The following PRKG2 variants were observed in gnomAD, a reference collection of about 807,000 sequenced individuals.
PRKG2 encodes cGMP-dependent protein kinase 2.
In PRKG2, 33 loss-of-function variants were observed where a neutral mutation model predicts 97.2. That is an observed-to-expected ratio of 0.34 (90% CI 0.26 to 0.45). The LOEUF (loss-of-function observed/expected upper bound fraction) is 0.45. PRKG2 is among the 20% of genes least tolerant of loss of function. PRKG2 has a pLI of 1.00. For synonymous variants in PRKG2, 330 were observed against 321.8 expected (o/e 1.03, Z -0.27); for missense variants, 638 against 900.0 (o/e 0.71, Z 3.73).
At chr4:81,120,332 TG>T (rs1361222038) in intron 14 of PRKG2, among the ~76,000 whole-genome samples, 1 of 152,238 alleles carries the variant, frequency 6.6e-6, no homozygotes, top group Non-Finnish European at 1.5e-5. Context: ...GCTGTGATTC[TG>T]GGGCTGCCCA....
intron 1 of PRKG2, 115 bp from the exon 2 acceptor site, chr4:81,205,175 T>C: frequency 1.5e-6 from 1 of 658,668 alleles, no homozygotes; most frequent in Non-Finnish European, 2.4e-6. Context: ...TCTTCATTGT[T>C]TGAAAAGCAA....
chr4:81,135,760 T>C (rs770332088), intron 13 of PRKG2, among the ~76,000 whole-genome samples: 1 of 152,078 alleles, frequency 6.6e-6, no homozygotes, highest in Non-Finnish European at 1.5e-5. Flanking sequence ...CATAAGTCTT[T>C]TCTGTTTGGG....
At chr4:81,210,510 C>T (rs189702489) in intron 1 of PRKG2, among the ~76,000 whole-genome samples, 1 of 152,292 alleles carries the variant, frequency 6.6e-6, no homozygotes, top group Admixed American at 6.5e-5. Flanking sequence ...GATACCACTA[C>T]ACACCTATTA....
chr4:81,192,916 T>C (rs1433614659), intron 2 of PRKG2: 1 of 152,204 alleles, frequency 6.6e-6, no homozygotes, highest in Non-Finnish European at 1.5e-5. Context: ...TAAATTTTCA[T>C]CCTCTAAGTT....
intron 17 of PRKG2, among the ~76,000 whole-genome samples, chr4:81,097,509 A>G (rs1374106100): frequency 6.6e-6 from 1 of 152,182 alleles, no homozygotes; most frequent in African/African-American, 2.4e-5. Context: ...CTGTATTCCT[A>G]ATAAGAGAGT....
intron 12 of PRKG2, among the ~76,000 whole-genome samples, chr4:81,139,781 CAAA>C (rs548249378): frequency 0.018 from 1,374 of 75,346 alleles, 28 homozygotes; most frequent in African/African-American, 0.052. Flanking sequence ...TCTCAAAAGA[CAAA>C]AAAAAAAAAA....
chr4:81,110,357 T>TA (rs1457644525), intron 15 of PRKG2, 91 bp downstream of exon 15: 2 of 1,343,318 alleles, frequency 1.5e-6, no homozygotes, highest in Non-Finnish European at 2.0e-6. Context: ...TTCAAAATGT[T>TA]ACGCTCTTAA....
At chr4:81,213,235 G>A (rs1754099064) in intron 1 of PRKG2, among the ~76,000 whole-genome samples, 1 of 152,166 alleles carries the variant, frequency 6.6e-6, no homozygotes, top group Admixed American at 6.5e-5. Context: ...TAGAAGACTT[G>A]AAGTACCATT....
chr4:81,088,466 T>C lies in PRKG2; in HGVS notation c.*1242A>G, dbSNP rs1397600899. 1 of 152,168 alleles carries C rather than the reference T, an allele frequency of 6.6e-6. No individual in the cohort carries two copies. The highest frequency in any genetic ancestry group is 1.5e-5 in the Non-Finnish European group (1 of 68,018). The allele number at this position is 152,168 out of a possible 1,614,324, so 9.4% of individuals were successfully genotyped here. A position where few individuals can be genotyped will look rare whatever the true frequency, so the allele number is the denominator to read the frequency against. ...TGGAAGGAGGGTAAGGGAATGATCA[T>C]GGTCAATACATACAACCATTCACCA... is the stretch of plus-strand genomic sequence containing the variant. On this transcript the variant is annotated 3_prime_UTR_variant, in exon 19 of 19. Transcript: ENST00000264399.
chr4:81,089,639 A>G lies in PRKG2; in HGVS notation c.*69T>C. On this transcript the variant is annotated 3_prime_UTR_variant, in exon 19 of 19. Transcript: ENST00000264399. ...TATTATAATACTCTGAAAAGAAAAT[A>G]ATGTGTTGGATTATTGATCCTTGAG... The G allele has an allele frequency of 8.6e-7, 1 of 1,156,826 alleles. No homozygotes were observed. The highest frequency in any genetic ancestry group is 1.3e-6 in the Non-Finnish European group (1 of 792,032). The allele number at this position is 1,156,826 out of a possible 1,614,324, so 71.7% of individuals were successfully genotyped here. A position where few individuals can be genotyped will look rare whatever the true frequency, so the allele number is the denominator to read the frequency against.
chr4:81,191,191 C>T (rs964511679), intron 2 of PRKG2, among the ~76,000 whole-genome samples: 6 of 152,136 alleles, frequency 3.9e-5, no homozygotes, highest in African/African-American at 1.4e-4. Context: ...TCCAAATGCC[C>T]ATCAGTGATA....
At chr4:81,168,906 A>G (rs77098507) in intron 5 of PRKG2, among the ~76,000 whole-genome samples, 16,546 of 151,866 alleles carry the variant, frequency 0.11, 1,098 homozygotes, top group Middle Eastern at 0.21. Context: ...TATTATTAAT[A>G]TTATTATTAC....
chr4:81,091,534 C>T (rs187290873), intron 18 of PRKG2, among the ~76,000 whole-genome samples: 19 of 152,136 alleles, frequency 1.2e-4, no homozygotes, highest in African/African-American at 4.1e-4. Flanking sequence ...CCGCCCGCCT[C>T]GGCCTCCTAA....
intron 6 of PRKG2, among the ~76,000 whole-genome samples, chr4:81,163,456 G>T (rs771676010): frequency 3.9e-5 from 6 of 152,116 alleles, no homozygotes; most frequent in African/African-American, 7.2e-5. Context: ...AATACATTCT[G>T]CATGTACTCC....
chr4:81,111,391 A>AACATGATTAATATTATATCATGTTAT (rs879660196), intron 14 of PRKG2, among the ~76,000 whole-genome samples: 14 of 150,728 alleles, frequency 9.3e-5, no homozygotes, highest in East Asian at 1.9e-4. Flanking sequence ...AATGTACACA[A>AACATGATTAATATTATATCATGTTAT]ACATGATTAA....
At chr4:81,110,295 G>C (rs756851964) in intron 15 of PRKG2, among the ~76,000 whole-genome samples, 153 bp downstream of exon 15, 2 of 152,114 alleles carry the variant, frequency 1.3e-5, no homozygotes, top group Non-Finnish European at 2.9e-5. Context: ...CAAGTTCACT[G>C]TATGTGAAAC....
intron 2 of PRKG2, among the ~76,000 whole-genome samples, chr4:81,180,983 C>T (rs202031038): frequency 2.4e-5 from 3 of 123,222 alleles, no homozygotes; most frequent in Non-Finnish European, 5.2e-5. Flanking sequence ...ATCCCTCCCC[C>T]CTCCCCCCAC....
At chr4:81,144,910 A>G (rs2110045850) in intron 9 of PRKG2, among the ~76,000 whole-genome samples, 1 of 151,910 alleles carries the variant, frequency 6.6e-6, no homozygotes, top group African/African-American at 2.4e-5. Flanking sequence ...TTCCAGCTTC[A>G]TCCATGTCCC....
At position 81,103,902 on chromosome 4, in the gene PRKG2, G is replaced by A. The variant is rs1322167702; in HGVS notation, c.2126+468C>T. Among the ~76,000 whole-genome samples, 5 of 152,084 alleles carry A rather than the reference G, an allele frequency of 3.3e-5. No individual in the cohort carries two copies. In the East Asian group the frequency reaches 7.7e-4, roughly 23 times the overall value. The stretch of plus-strand genomic sequence containing the variant: ...AAAAATCAGCTGGGTGTGGTGGCAG[G>A]TGCCTGTAATCCCAGCTCCTCCGGA... On this transcript the variant is annotated intron_variant, in intron 17 of 18. Coordinates refer to ENST00000264399, the MANE Select transcript of PRKG2 (RefSeq NM_006259.3).
Sources: allele counts gnomAD v4.1 joint callset (sites outside exome capture counted in the v4.1 genomes callset), GRCh38; gene constraint gnomAD v4.1.1; transcripts MANE v1.5; gene names NCBI Gene and HGNC (gene_info 2026-07-23, HGNC 2026-07-21).